Variants in FSTL4 observed in about 807,000 individuals in gnomAD.
FSTL4 encodes follistatin-related protein 4.
FSTL4 carries 28 observed loss-of-function variants against 78.2 expected under a neutral mutation model. The observed-to-expected ratio is 0.36, with a 90% CI of 0.27 to 0.49. FSTL4 has a LOEUF of 0.49. Ranked by LOEUF, FSTL4 falls within the 20% of genes least tolerant of loss-of-function variation. The pLI is 0.98. For synonymous variants in FSTL4, 422 were observed against 440.5 expected (o/e 0.96, Z 0.53); for missense variants, 922 against 1,084.9 (o/e 0.85, Z 2.11).
chr5:133,831,836 G>C, the FSTL4 span, among the ~76,000 whole-genome samples: 2 of 152,214 alleles, frequency 1.3e-5, no homozygotes, highest in Non-Finnish European at 2.9e-5. Context: ...ACTGATCAAG[G>C]CTGACTCTCT....
the FSTL4 span, among the ~76,000 whole-genome samples, chr5:133,759,530 G>GA: frequency 1.3e-5 from 2 of 152,166 alleles, no homozygotes; most frequent in Non-Finnish European, 2.9e-5. Flanking sequence ...TTGTAACAGA[G>GA]AAAACTTGTT....
intron 4 of FSTL4, among the ~76,000 whole-genome samples, chr5:133,343,189 T>C (rs1754621749): frequency 6.6e-6 from 1 of 152,204 alleles, no homozygotes; most frequent in Non-Finnish European, 1.5e-5. Flanking sequence ...AGGGTGCGGA[T>C]TCCCTTAGCA....
chr5:133,762,588 G>A, the FSTL4 span, among the ~76,000 whole-genome samples: 2 of 152,164 alleles, frequency 1.3e-5, no homozygotes, highest in African/African-American at 2.4e-5. Context: ...TTATAGACTC[G>A]TATATCCAGA....
the FSTL4 span, among the ~76,000 whole-genome samples, chr5:133,711,919 ACACAGAGATGTTGGCTTCATTT>A: frequency 1.3e-5 from 2 of 152,264 alleles, no homozygotes; most frequent in South Asian, 4.2e-4. Context: ...TCACAACAGC[ACACAGAGATGTTGGCTTCATTT>A]CACAGATGGG....
At chr5:133,547,806 C>A (rs913363734) in intron 3 of FSTL4, among the ~76,000 whole-genome samples, 14 of 152,108 alleles carry the variant, frequency 9.2e-5, no homozygotes, top group African/African-American at 3.4e-4. Context: ...AAATAAACCT[C>A]TTTTTTTAAA....
intron 3 of FSTL4, among the ~76,000 whole-genome samples, chr5:133,404,763 C>T (rs1756316591): frequency 6.6e-6 from 1 of 152,142 alleles, no homozygotes; most frequent in Non-Finnish European, 1.5e-5. Context: ...CTGAGATGGG[C>T]CCCAGAGAGA....
the FSTL4 span, among the ~76,000 whole-genome samples, chr5:133,672,649 C>G: frequency 1.3e-5 from 2 of 152,164 alleles, no homozygotes; most frequent in African/African-American, 4.8e-5. Context: ...GTGAGGGGAA[C>G]ACATTTTCTG....
intron 3 of FSTL4, among the ~76,000 whole-genome samples, chr5:133,407,845 C>G (rs552310421): frequency 6.6e-6 from 1 of 152,154 alleles, no homozygotes; most frequent in Non-Finnish European, 1.5e-5. Context: ...GTGACTGTCA[C>G]GATAATCTAA....
At chr5:133,617,549 T>C in the FSTL4 span, among the ~76,000 whole-genome samples, 2 of 152,174 alleles carry the variant, frequency 1.3e-5, no homozygotes, top group African/African-American at 4.8e-5. Context: ...TCTACGGAGA[T>C]GCAGTGCCCC....
At chr5:133,742,482 A>T in the FSTL4 span, among the ~76,000 whole-genome samples, 1 of 152,240 alleles carries the variant, frequency 6.6e-6, no homozygotes, top group East Asian at 1.9e-4. Flanking sequence ...AGACACCTAC[A>T]TAACTGGAGG....
At chr5:133,269,025 CA>C (rs559544353) in intron 6 of FSTL4, among the ~76,000 whole-genome samples, 2 of 151,598 alleles carry the variant, frequency 1.3e-5, no homozygotes, top group African/African-American at 4.8e-5. Flanking sequence ...ACTAAAAATA[CA>C]AAAAAATTAG....
At chr5:133,456,304 G>A (rs1757488033) in intron 3 of FSTL4, among the ~76,000 whole-genome samples, 2 of 152,244 alleles carry the variant, frequency 1.3e-5, no homozygotes, top group South Asian at 4.1e-4. Flanking sequence ...TGGCCGTCCT[G>A]AGACAACAAG....
chr5:133,710,391 G>A, the FSTL4 span, among the ~76,000 whole-genome samples: 5 of 152,140 alleles, frequency 3.3e-5, no homozygotes, highest in Admixed American at 6.5e-5. Flanking sequence ...GGGACAGCCT[G>A]GGTTTACACT....
At chr5:133,327,017 T>C (rs981212101) in intron 4 of FSTL4, among the ~76,000 whole-genome samples, 1 of 152,078 alleles carries the variant, frequency 6.6e-6, no homozygotes, top group Non-Finnish European at 1.5e-5. Flanking sequence ...ATGCAGTCAT[T>C]AGACAGATGG....
intron 4 of FSTL4, among the ~76,000 whole-genome samples, chr5:133,372,472 C>T (rs1020288028): frequency 2.6e-5 from 4 of 152,066 alleles, no homozygotes; most frequent in East Asian, 1.9e-4. Flanking sequence ...GGCTCCTAGT[C>T]GCCAACCTTC....
At chr5:133,639,155 T>G in the FSTL4 span, among the ~76,000 whole-genome samples, 1 of 152,222 alleles carries the variant, frequency 6.6e-6, no homozygotes, top group Non-Finnish European at 1.5e-5. Context: ...GGCCCCAGTG[T>G]GTGTTGTTCC....
chr5:133,547,238 G>C (rs1373205810), intron 3 of FSTL4, among the ~76,000 whole-genome samples: 1 of 151,074 alleles, frequency 6.6e-6, no homozygotes, highest in Non-Finnish European at 1.5e-5. Context: ...CTGTCTGTCT[G>C]TCTCTCTCTC....
intron 4 of FSTL4, among the ~76,000 whole-genome samples, chr5:133,336,482 G>T (rs1027525892): frequency 5.3e-5 from 8 of 152,208 alleles, no homozygotes; most frequent in Non-Finnish European, 1.0e-4. Flanking sequence ...GACCACAGCC[G>T]CCTCTGCAGT....
At chr5:133,663,536 C>G in the FSTL4 span, among the ~76,000 whole-genome samples, 8 of 152,206 alleles carry the variant, frequency 5.3e-5, no homozygotes, top group Admixed American at 5.2e-4. Flanking sequence ...TAACACGTGC[C>G]TCTTCACGTG....
Sources: gnomAD v4.1 joint callset for allele counts (sites outside exome capture counted in the v4.1 genomes callset) on GRCh38, gnomAD v4.1.1 for gene constraint, MANE v1.5 for transcripts, NCBI Gene and HGNC (gene_info 2026-07-23, HGNC 2026-07-21) for gene names.